FER1L5: variants seen among roughly 807,000 people sequenced by gnomAD.
FER1L5 encodes the protein fer-1-like protein 5.
Under a neutral mutation model 279.9 loss-of-function variants are expected in FER1L5, and 187 were observed. The ratio of observed to expected loss-of-function variants is 0.67; its 90% CI spans 0.59 to 0.75. The LOEUF (loss-of-function observed/expected upper bound fraction) is 0.75, where lower values mean the gene tolerates loss of function less well. Among genes scored for constraint, FER1L5 ranks in the 30% least tolerant of loss-of-function variants. FER1L5 has a pLI of 0.00. For missense variants in FER1L5, 2,091 were observed against 2,594.4 expected (o/e 0.81, Z 4.21); for synonymous variants, 921 against 989.7 (o/e 0.93, Z 1.30).
chr2:96,691,274 G>A lies in FER1L5; in HGVS notation c.2828G>A (p.Arg943His), dbSNP rs1004716219. The change falls in exon 28 of 53, where the codon CGC (arginine) becomes CAC (histidine). Residue 943 changes from arginine to histidine, a missense_variant. Coordinates refer to ENST00000624922, the MANE Select transcript of FER1L5 (RefSeq NM_001293083.2). The surrounding 1 kb of genome is among the most constrained non-coding windows in gnomAD (Gnocchi z 6.0). ...GAGAAGACCTACCACTCGTGCCGCC[G>A]CCGGCGCTGGGCGCGTGTGCGCTTC... is the stretch of plus-strand genomic sequence containing the variant. ...PVEKTYHSCR[R>H]RRWARVRFRN... 5.8e-6 allele frequency: 9 copies of A among 1,550,562 alleles called. No individual in the cohort carries two copies. The highest frequency in any genetic ancestry group is 1.2e-5 in the South Asian group (1 of 84,046).
chr2:96,693,628 C>A lies in FER1L5; in HGVS notation c.3415C>A (p.Gln1139Lys). 2 of 1,551,736 alleles carry A rather than the reference C, an allele frequency of 1.3e-6. No homozygotes were observed. Among genetic ancestry groups the A allele is most frequent in the Non-Finnish European group, 1.7e-6 (2 of 1,146,996 alleles). ...GCACCTCCTTCTGTACGAGAACCCA[C>A]AGGACACCAAAGAGAGCCCACCGCT... Reference protein sequence around the residue: ...FQHLLLYENPQDTKESPPLVV... With the variant: ...FQHLLLYENPKDTKESPPLVV... Residue 1139 changes from glutamine to lysine, a missense_variant, in exon 32 of 53, where the codon CAG (glutamine) becomes AAG (lysine). Gln to Lys is a moderately conservative substitution (Grantham distance 53). Coordinates refer to ENST00000624922, the MANE Select transcript of FER1L5 (RefSeq NM_001293083.2).
chr2:96,673,296 C>T (rs1387388821), intron 19 of FER1L5, 42 bp downstream of exon 19: 2 of 1,520,700 alleles, frequency 1.3e-6, no homozygotes, highest in Non-Finnish European at 1.8e-6. Flanking sequence ...GCAGCCACTG[C>T]ATGCCAGGCC....
At position 96,673,179 on chromosome 2, in the gene FER1L5, C is replaced by T; in HGVS notation, c.1594C>T (p.His532Tyr). The T allele has an allele frequency of 6.4e-7, 1 of 1,551,542 alleles. No individual in the cohort carries two copies. Among genetic ancestry groups the T allele is most frequent in the Non-Finnish European group, 8.7e-7 (1 of 1,146,964 alleles). The change falls in exon 19 of 53, where the codon CAC becomes TAC. Residue 532 changes from histidine (H) to tyrosine (Y), a missense_variant. By Grantham distance (83) the His-to-Tyr change is moderately conservative. Transcript: ENST00000624922. ...ELIHFEVSIG[H>Y]YGNKMDLNYK... The stretch of plus-strand genomic sequence containing the variant: ...GATCCATTTCGAGGTCAGCATCGGT[C>T]ACTATGGGAACAAGATGGACCTGAA...
In FER1L5 at chr2:96,693,519, G is replaced by A. The variant is rs1194150588; in HGVS notation, c.3306G>A (p.Arg1102=). The A allele has an allele frequency of 1.3e-6, 2 of 1,550,376 alleles. No individual in the cohort carries two copies. Residue 1102 remains arginine (R), a synonymous_variant, in exon 32 of 53, where the codon CGG becomes CGA. Transcript: ENST00000624922. ...QILTFQGPFI[R]VVFLNHSQCT... ...CTACCCCTCCAGGGCCCTTCATTCGGGTGGTCTTCCTGAACCACAGCCAGT... is the reference window on the plus strand; with the variant it reads ...CTACCCCTCCAGGGCCCTTCATTCGAGTGGTCTTCCTGAACCACAGCCAGT...
In FER1L5 at chr2:96,693,953, G is replaced by A. The variant is rs2077258964; in HGVS notation, c.3517G>A (p.Val1173Ile). 2 of 1,551,514 alleles carry A rather than the reference G, an allele frequency of 1.3e-6. No individual in the cohort carries two copies. The highest frequency in any genetic ancestry group is 1.7e-6 in the Non-Finnish European group (2 of 1,146,970). ...LWGRSVWPPM[V>I]WLDLQDRILP... ...GGGACGGAGCGTGTGGCCCCCAATG[G>A]TCTGGCTGGATCTCCAGGACCGGAT... The change falls in exon 33 of 53, where the codon GTC (valine) becomes ATC (isoleucine). Residue 1173 changes from valine to isoleucine, a missense_variant. By Grantham distance (29) the Val-to-Ile change is conservative. Transcript: ENST00000624922.
At chr2:96,659,419 T>TTCTG (rs2075818931) in intron 9 of FER1L5, among the ~76,000 whole-genome samples, 2 of 8,296 alleles carry the variant, frequency 2.4e-4, no homozygotes, top group Non-Finnish European at 4.0e-4. Context: ...CTTTCTTTCT[T>TTCTG]TCTTTCTTTC....
At position 96,699,645 on chromosome 2, in the gene FER1L5, C is replaced by G. The variant is rs753720035; in HGVS notation, c.4706C>G (p.Thr1569Ser). The change falls in exon 43 of 53, where the codon ACC becomes AGC. Residue 1569 changes from threonine (T) to serine (S), a missense_variant. Thr to Ser is a moderately conservative substitution (Grantham distance 58, BLOSUM62 1). Transcript: ENST00000624922. ...TTTTCACCTGATGATAAGATAGGAA[C>G]CACAGTCATCGACCTTGAAAACCGA... The part of the protein sequence containing the change: ...DLFSPDDKIG[T>S]TVIDLENRLL... The G allele has an allele frequency of 1.9e-6, 3 of 1,613,926 alleles. No individual in the cohort carries two copies. The South Asian group carries it at 3.3e-5, about 18-fold the overall frequency.
In FER1L5 at chr2:96,670,707, A is replaced by G. The variant is rs542024675; in HGVS notation, c.1491+460A>G. On this transcript the variant is annotated intron_variant, in intron 18 of 52. Coordinates refer to ENST00000624922, the MANE Select transcript of FER1L5 (RefSeq NM_001293083.2). ...AGGCTGAGGCAGGAGAATCACTTGA[A>G]CCTGGGAGGCGGAGGTTGCAGTGGG... Among the ~76,000 whole-genome samples, 3 of 151,938 alleles carry G rather than the reference A, an allele frequency of 2.0e-5. No homozygotes were observed. The East Asian group carries it at 5.8e-4, about 29-fold the overall frequency.
Position 96,699,814 on chromosome 2 carries a change from C to G in FER1L5, c.4781+94C>G, listed in dbSNP as rs891673854. 1.0e-5 allele frequency: 16 copies of G among 1,578,186 alleles called. 1 individual carries two copies. The highest frequency in any genetic ancestry group is 1.4e-5 in the African/African-American group (1 of 73,986). On this transcript the variant is annotated intron_variant, in intron 43 of 52. Coordinates refer to ENST00000624922, the MANE Select transcript of FER1L5 (RefSeq NM_001293083.2). ...GAGAAGCCTGCATCCTGGGCGGGAA[C>G]CAGGGCCCAGACCTGCCCAGTCTCC...
rs1288980045 is a variant in FER1L5, at chr2:96,687,811, C to T, written c.2230-5C>T. ...CCCTGTGGGACCGATCGGCCTCTGG[C>T]TCAGTACCCAGAGGGTGAAGGACAG... On this transcript the variant is annotated splice_region_variant and splice_polypyrimidine_tract_variant and intron_variant, in intron 23 of 52. Coordinates refer to ENST00000624922, the MANE Select transcript of FER1L5 (RefSeq NM_001293083.2). The T allele has an allele frequency of 3.9e-6, 6 of 1,550,974 alleles. No individual in the cohort carries two copies. The East Asian group carries it at 1.2e-4, about 32-fold the overall frequency.
chr2:96,653,431 G>A (rs2075466126), intron 7 of FER1L5: 1 of 567,556 alleles, frequency 1.8e-6, no homozygotes, highest in South Asian at 2.2e-5. Flanking sequence ...TCCTTTGAGG[G>A]TCATGTTGGC....
rs372020325 is a variant in FER1L5, at chr2:96,691,931, C to T, written c.3182C>T (p.Pro1061Leu). ...RDPQRQDTRP[P>L]NLPFIYCTFN... The stretch of plus-strand genomic sequence containing the variant: ...CCCCAGAGGCAGGACACCCGGCCCC[C>T]CAACTTGCCCTTCATCTACTGCACC... Residue 1061 changes from proline (P) to leucine (L), a missense_variant, in exon 30 of 53, where the codon CCC becomes CTC. Transcript: ENST00000624922. The surrounding 1 kb of genome is among the most constrained non-coding windows in gnomAD (Gnocchi z 6.0). The T allele has an allele frequency of 4.7e-5, 73 of 1,550,818 alleles. 1 individual carries two copies. In the African/African-American group the frequency reaches 8.4e-4, roughly 18 times the overall value.
At position 96,703,322 on chromosome 2, in the gene FER1L5, C is replaced by T. The variant is rs544907310; in HGVS notation, c.5667C>T (p.Leu1889=). ...CTGGCTGGTGGCCTTGCCAGGTCCT[C>T]GATGGTGGCAAATGGCGCTTGTCGG... is the stretch of plus-strand genomic sequence containing the variant. ...TVTGWWPCQV[L]DGGKWRLSGK... is the part of the protein sequence containing the mutation. Residue 1889 remains leucine (L), a synonymous_variant, in exon 50 of 53, where the codon CTC becomes CTT. Transcript: ENST00000624922. 40 of 1,611,624 alleles carry T rather than the reference C, an allele frequency of 2.5e-5. 1 individual carries two copies. The highest frequency in any genetic ancestry group is 3.0e-5 in the Non-Finnish European group (35 of 1,178,918).
intron 9 of FER1L5, among the ~76,000 whole-genome samples, chr2:96,656,740 C>G (rs1407061030): frequency 3.3e-5 from 5 of 151,768 alleles, no homozygotes; most frequent in African/African-American, 7.3e-5. Flanking sequence ...TCTGCTCCCC[C>G]ACTTCCTCTT....
At chr2:96,670,965 G>A (rs2076300316) in intron 18 of FER1L5, among the ~76,000 whole-genome samples, 1 of 151,226 alleles carries the variant, frequency 6.6e-6, no homozygotes, top group African/African-American at 2.4e-5. Context: ...AAATTACCCA[G>A]GCATGGTGGC....
chr2:96,664,929 G>C (rs527265987), intron 14 of FER1L5, among the ~76,000 whole-genome samples: 1 of 152,324 alleles, frequency 6.6e-6, no homozygotes, highest in South Asian at 2.1e-4. Context: ...TGGGAACATA[G>C]TTATTATCCT....
intron 6 of FER1L5, 58 bp downstream of exon 6, chr2:96,650,347 G>T: frequency 7.0e-7 from 1 of 1,428,522 alleles, no homozygotes. Context: ...TGTTTGCTGT[G>T]TTCCCAGGCC....
At position 96,691,701 on chromosome 2, in the gene FER1L5, A is replaced by C; in HGVS notation, c.3075+89A>C. On this transcript the variant is annotated intron_variant, in intron 29 of 52. Coordinates refer to ENST00000624922, the MANE Select transcript of FER1L5 (RefSeq NM_001293083.2). The surrounding 1 kb of genome is among the most constrained non-coding windows in gnomAD (Gnocchi z 6.0). Reference sequence around the variant, plus strand: ...GGCCTGGCTGGGGCGCTGACTGCGGAGGAAGGGCCTCTGTTCCTCAGGCTT... The same window carrying C: ...GGCCTGGCTGGGGCGCTGACTGCGGCGGAAGGGCCTCTGTTCCTCAGGCTT... 2 of 1,541,366 alleles carry C rather than the reference A, an allele frequency of 1.3e-6. No homozygotes were observed. The highest frequency in any genetic ancestry group is 4.9e-5 in the East Asian group (2 of 40,758).
At chr2:96,653,619 C>T in intron 7 of FER1L5, 21 bp from the exon 8 acceptor site, 1 of 1,544,662 alleles carries the variant, frequency 6.5e-7, no homozygotes, top group Non-Finnish European at 8.8e-7. Flanking sequence ...ATCCACTCTA[C>T]CCCAATTCTC....
Sources: allele counts gnomAD v4.1 joint callset (sites outside exome capture counted in the v4.1 genomes callset), GRCh38; gene constraint gnomAD v4.1.1; non-coding constraint Gnocchi (gnomAD v3.1); transcripts MANE v1.5; gene names NCBI Gene and HGNC (gene_info 2026-07-23, HGNC 2026-07-21).